GALNT17: variants seen among roughly 807,000 people sequenced by gnomAD.
GALNT17 encodes polypeptide N-acetylgalactosaminyltransferase 17.
In GALNT17, 29 loss-of-function variants were observed where a neutral mutation model predicts 63.7. The ratio of observed to expected loss-of-function variants is 0.46; its 90% CI spans 0.34 to 0.62. The LOEUF (loss-of-function observed/expected upper bound fraction) is 0.62. Among genes scored for constraint, GALNT17 ranks in the 20% least tolerant of loss-of-function variants. GALNT17 has a pLI of 0.01. For synonymous variants in GALNT17, 305 were observed against 318.3 expected (o/e 0.96, Z 0.45); for missense variants, 603 against 799.6 (o/e 0.75, Z 2.97).
chr7:71,704,384 G>T (rs1323801840), intron 9 of GALNT17, among the ~76,000 whole-genome samples: 1 of 151,838 alleles, frequency 6.6e-6, no homozygotes, highest in African/African-American at 2.4e-5. Flanking sequence ...AAGTAAAAAA[G>T]ATATCCTGTG....
intron 1 of GALNT17, among the ~76,000 whole-genome samples, chr7:71,241,178 C>T (rs184544114): frequency 4.6e-5 from 7 of 152,246 alleles, no homozygotes; most frequent in Admixed American, 3.3e-4. Context: ...TTCAAGGAGA[C>T]GAATGCCCTT....
chr7:71,592,543 AAATAG>A (rs1457719879), intron 6 of GALNT17, among the ~76,000 whole-genome samples: 1 of 74,778 alleles, frequency 1.3e-5, no homozygotes, highest in Non-Finnish European at 3.0e-5. Flanking sequence ...AAATAAAATA[AAATAG>A]CATAGCATAG....
chr7:71,676,260 G>A (rs946820215), intron 8 of GALNT17, among the ~76,000 whole-genome samples: 9 of 152,124 alleles, frequency 5.9e-5, no homozygotes, highest in Admixed American at 3.3e-4. Flanking sequence ...TATTTCCTCC[G>A]TGGGTGCATT....
chr7:71,402,054 G>A (rs1045964290), intron 3 of GALNT17, among the ~76,000 whole-genome samples: 4 of 152,162 alleles, frequency 2.6e-5, no homozygotes, highest in Non-Finnish European at 5.9e-5. Context: ...TTAGCTATGT[G>A]GTCTTGGCCA....
chr7:71,365,569 A>G (rs796559166), intron 2 of GALNT17, among the ~76,000 whole-genome samples: 28 of 152,334 alleles, frequency 1.8e-4, no homozygotes, highest in African/African-American at 6.5e-4. Flanking sequence ...TGTTGCATCC[A>G]TCACTCCCTC....
At chr7:71,335,806 A>C in intron 2 of GALNT17, 73 bp downstream of exon 2, 1 of 1,260,372 alleles carries the variant, frequency 7.9e-7, no homozygotes, top group Non-Finnish European at 1.0e-6. Context: ...CGTTTGTGAT[A>C]TTTTCCACTG....
At chr7:71,681,792 C>T (rs1791266369) in intron 9 of GALNT17, among the ~76,000 whole-genome samples, 1 of 152,214 alleles carries the variant, frequency 6.6e-6, no homozygotes, top group Non-Finnish European at 1.5e-5. Flanking sequence ...CAAGGACGTC[C>T]ACTTGTCCTA....
rs1791888607 is a variant in GALNT17, at chr7:71,335,726, C to T, written c.415C>T (p.Pro139Ser). Residue 139 changes from proline (P) to serine (S), a missense_variant, in exon 2 of 11, where the codon CCC becomes TCC. Physicochemically the swap from Pro to Ser is moderately conservative, Grantham distance 74 (BLOSUM62 -1). Transcript: ENST00000333538. Reference protein sequence around the residue: ...SLDRSIPDYRPTKCKELKYSK... With the variant: ...SLDRSIPDYRSTKCKELKYSK... ...GGACCGTTCCATTCCGGATTATCGT[C>T]CCACCAAGTAAGTTCTGGTTCAGTC... 2 of 1,601,538 alleles carry T rather than the reference C, an allele frequency of 1.2e-6. No individual in the cohort carries two copies. The highest frequency in any genetic ancestry group is 2.3e-5 in the East Asian group (1 of 44,184).
At chr7:71,186,898 C>G (rs1227088678) in intron 1 of GALNT17, among the ~76,000 whole-genome samples, 1 of 152,174 alleles carries the variant, frequency 6.6e-6, no homozygotes, top group African/African-American at 2.4e-5. Context: ...GCAGACAGAG[C>G]TTGCGTTTCT....
chr7:71,567,357 A>G (rs564308158), intron 5 of GALNT17, among the ~76,000 whole-genome samples: 54 of 152,356 alleles, frequency 3.5e-4, no homozygotes, highest in Admixed American at 9.1e-4. Context: ...GGCACCTCCC[A>G]GTAAGAAGGT....
chr7:71,314,513 A>G (rs1436810124), intron 1 of GALNT17, among the ~76,000 whole-genome samples: 3 of 152,220 alleles, frequency 2.0e-5, no homozygotes, highest in Non-Finnish European at 4.4e-5. Context: ...ATGGTCATAT[A>G]ACTTGAAGTG....
chr7:71,697,901 T>A (rs1213904828), intron 9 of GALNT17, among the ~76,000 whole-genome samples: 1 of 152,034 alleles, frequency 6.6e-6, no homozygotes, highest in Admixed American at 6.6e-5. Flanking sequence ...GTCAGGCAGA[T>A]CACCTGAGGT....
chr7:71,252,106 C>T (rs891927881), intron 1 of GALNT17, among the ~76,000 whole-genome samples: 3 of 151,842 alleles, frequency 2.0e-5, no homozygotes, highest in African/African-American at 7.3e-5. Flanking sequence ...ACCACCAGGG[C>T]ATGTGTTTAT....
chr7:71,152,095 A>T (rs916791019), intron 1 of GALNT17, among the ~76,000 whole-genome samples: 1 of 150,644 alleles, frequency 6.6e-6, no homozygotes, highest in Non-Finnish European at 1.5e-5. Context: ...ATCCACTTTA[A>T]TTTTTTTTTT....
intron 1 of GALNT17, among the ~76,000 whole-genome samples, chr7:71,246,111 C>T (rs1312584478): frequency 9.8e-5 from 12 of 122,598 alleles, no homozygotes; most frequent in Non-Finnish European, 1.5e-4. Flanking sequence ...TAGCTTTTTT[C>T]GTTGTTTTTT....
At position 71,165,468 on chromosome 7, in the gene GALNT17, G is replaced by A. The variant is rs373180756; in HGVS notation, c.238+32428G>A. Among the ~76,000 whole-genome samples the A allele has an allele frequency of 4.5e-5, 5 of 112,242 alleles. No individual in the cohort carries two copies. The Admixed American group carries it at 4.8e-4, about 11-fold the overall frequency. 73.6% of individuals were successfully genotyped at this position (112,242 alleles called of 152,430 possible). ...GCACGTTTCACATGGCGACAGACAA[G>A]AGAAGAGAGAGAAGAGAGTTTGTGC... On this transcript the variant is annotated intron_variant, in intron 1 of 10. Coordinates refer to ENST00000333538, the MANE Select transcript of GALNT17 (RefSeq NM_022479.3).
chr7:71,277,024 A>T (rs967911592), intron 1 of GALNT17, among the ~76,000 whole-genome samples: 4 of 152,146 alleles, frequency 2.6e-5, no homozygotes, highest in Non-Finnish European at 5.9e-5. Context: ...ATAAAGAAAT[A>T]AATTATCCAG....
At chr7:71,177,919 A>G (rs1415401547) in intron 1 of GALNT17, among the ~76,000 whole-genome samples, 3 of 152,178 alleles carry the variant, frequency 2.0e-5, no homozygotes, top group South Asian at 2.1e-4. Flanking sequence ...TGCTTGCCTG[A>G]TGATTTAGGT....
intron 5 of GALNT17, among the ~76,000 whole-genome samples, chr7:71,551,859 T>G (rs1306375264): frequency 6.6e-6 from 1 of 151,894 alleles, no homozygotes; most frequent in African/African-American, 2.4e-5. Context: ...TAGTGAGAAT[T>G]TTTGTTTACT....
Sources: gnomAD v4.1 joint callset for allele counts (sites outside exome capture counted in the v4.1 genomes callset) on GRCh38, gnomAD v4.1.1 for gene constraint, MANE v1.5 for transcripts, NCBI Gene and HGNC (gene_info 2026-07-23, HGNC 2026-07-21) for gene names.